Variants in FABP7 observed in about 807,000 individuals in gnomAD.
FABP7 encodes the protein fatty acid-binding protein, brain.
FABP7 carries 13 observed loss-of-function variants against 14.2 expected under a neutral mutation model. That is an observed-to-expected ratio of 0.91 (90% confidence interval 0.59 to 1.45). The LOEUF (loss-of-function observed/expected upper bound fraction) is 1.45. FABP7 is among the 40% of genes most tolerant of loss of function. The probability of loss-of-function intolerance (pLI) is 0.00; values close to 1 mark genes in which losing one functional copy is unlikely to be tolerated. For synonymous variants in FABP7, 49 were observed against 51.4 expected, an observed-to-expected ratio of 0.95 and a Z score of 0.20; for missense variants, 149 against 157.6, an observed-to-expected ratio of 0.95 and a Z score of 0.29.
In FABP7 at chr6:122,780,422, G is replaced by A. The variant is rs1326879356; in HGVS notation, c.205G>A (p.Glu69Lys). ...KNTEISFQLG[E>K]EFDETTADDR... The stretch of plus-strand genomic sequence containing the variant: ...CACGGAGATTAGTTTCCAGCTGGGA[G>A]AAGAGTTTGATGAAACCACTGCAGA... The change falls in exon 2 of 4, where the codon GAA (glutamate) becomes AAA (lysine). Residue 69 changes from glutamate (E) to lysine (K), a missense_variant. Transcript: ENST00000368444. The A allele has an allele frequency of 6.2e-6, 10 of 1,613,942 alleles. No individual in the cohort carries two copies. Among genetic ancestry groups the A allele is most frequent in the Non-Finnish European group, 8.5e-6 (10 of 1,179,972 alleles).
the FABP7 span, among the ~76,000 whole-genome samples, chr6:122,757,168 C>T: frequency 6.6e-6 from 1 of 152,138 alleles, no homozygotes; most frequent in East Asian, 1.9e-4. Flanking sequence ...CTGATATCTG[C>T]CTTGAGTGTA....
the FABP7 span, among the ~76,000 whole-genome samples, chr6:122,752,523 C>T: frequency 1.3e-3 from 204 of 152,338 alleles, no homozygotes; most frequent in African/African-American, 4.8e-3. Context: ...CCCAACCTTA[C>T]CCTCCTGGAG....
the FABP7 span, among the ~76,000 whole-genome samples, chr6:122,751,118 C>G: frequency 6.6e-6 from 1 of 152,102 alleles, no homozygotes; most frequent in Non-Finnish European, 1.5e-5. Flanking sequence ...GTTCTCTAGT[C>G]TAGAAGGTAT....
chr6:122,755,008 CT>C, the FABP7 span, among the ~76,000 whole-genome samples: 55,149 of 148,336 alleles, frequency 0.37, 10,393 homozygotes, highest in South Asian at 0.51. Flanking sequence ...CTAACAATCA[CT>C]TTTTTTTTTT....
At chr6:122,772,779 T>C in the FABP7 span, among the ~76,000 whole-genome samples, 1 of 152,108 alleles carries the variant, frequency 6.6e-6, no homozygotes, top group South Asian at 2.1e-4. Flanking sequence ...AGACAGATAA[T>C]TCACTCATTT....
the FABP7 span, among the ~76,000 whole-genome samples, chr6:122,756,822 C>T: frequency 2.0e-5 from 3 of 152,210 alleles, no homozygotes; most frequent in African/African-American, 7.2e-5. Context: ...CAGGTGACCA[C>T]TCACTCCTTA....
the FABP7 span, among the ~76,000 whole-genome samples, chr6:122,773,942 G>A: frequency 1.3e-5 from 2 of 151,488 alleles, no homozygotes. Context: ...AGTGCCACTA[G>A]TTAATAAATA....
the FABP7 span, among the ~76,000 whole-genome samples, chr6:122,763,112 G>A: frequency 1.3e-5 from 2 of 152,162 alleles, no homozygotes; most frequent in Non-Finnish European, 2.9e-5. Flanking sequence ...CAAAGCTGGA[G>A]ATACCATGCT....
At chr6:122,754,924 C>T in the FABP7 span, among the ~76,000 whole-genome samples, 1 of 152,106 alleles carries the variant, frequency 6.6e-6, no homozygotes, top group Admixed American at 6.6e-5. Flanking sequence ...CACCTAAACT[C>T]ACCAACCTTT....
the FABP7 span, among the ~76,000 whole-genome samples, chr6:122,770,705 AGAT>A: frequency 6.6e-6 from 1 of 152,190 alleles, no homozygotes; most frequent in Non-Finnish European, 1.5e-5. Context: ...AAATCTTCCC[AGAT>A]GATTCTAATG....
intron 3 of FABP7, chr6:122,782,776 T>C: frequency 1.0e-6 from 1 of 985,404 alleles, no homozygotes; most frequent in Non-Finnish European, 1.2e-6. Context: ...TGCATTGAGA[T>C]ATTCATGTTT....
chr6:122,782,850 A>T (rs1450707828), intron 3 of FABP7: 30 of 985,240 alleles, frequency 3.0e-5, no homozygotes, highest in Middle Eastern at 5.2e-4. Flanking sequence ...ATATTTGCTC[A>T]CATTTTTTTG....
the FABP7 span, among the ~76,000 whole-genome samples, chr6:122,773,520 C>A: frequency 9.2e-5 from 14 of 152,160 alleles, no homozygotes; most frequent in Admixed American, 1.3e-4. Flanking sequence ...CCAGCATTAC[C>A]TATTATGGGA....
chr6:122,782,175 TCTTA>T (rs1418526594), intron 3 of FABP7: 39 of 982,896 alleles, frequency 4.0e-5, no homozygotes, highest in Non-Finnish European at 4.7e-5. Flanking sequence ...ATCAGCCTCT[TCTTA>T]CTTACTAGGA....
chr6:122,770,810 T>C, the FABP7 span, among the ~76,000 whole-genome samples: 1 of 152,146 alleles, frequency 6.6e-6, no homozygotes. Context: ...ACAAACACAT[T>C]TAAAAAATGT....
At chr6:122,774,706 G>A in the FABP7 span, among the ~76,000 whole-genome samples, 1 of 149,772 alleles carries the variant, frequency 6.7e-6, no homozygotes, top group Admixed American at 6.7e-5. Flanking sequence ...TGCAAAGGAA[G>A]AAGTCAAATT....
chr6:122,767,115 A>G, the FABP7 span, among the ~76,000 whole-genome samples: 1 of 152,128 alleles, frequency 6.6e-6, no homozygotes, highest in African/African-American at 2.4e-5. Context: ...TAATGACTAC[A>G]TATGTAAAAA....
Position 122,783,157 on chromosome 6 carries a change from A to G in FABP7, c.349-560A>G. The stretch of plus-strand genomic sequence containing the variant: ...TCAAGTTAGATTTGACATTAGAGTA[A>G]TAGAGCTGATGTTCCGCATCCTATC... On this transcript the variant is annotated intron_variant, in intron 3 of 3. Coordinates refer to ENST00000368444, the MANE Select transcript of FABP7 (RefSeq NM_001446.5). The G allele has an allele frequency of 3.0e-6, 3 of 985,458 alleles. No individual in the cohort carries two copies. In the South Asian group the frequency reaches 1.4e-4, roughly 46 times the overall value. The allele number at this position is 985,458 out of a possible 1,614,324, so 61.0% of individuals were successfully genotyped here. A position where few individuals can be genotyped will look rare whatever the true frequency, so the allele number is the denominator to read the frequency against.
the FABP7 span, among the ~76,000 whole-genome samples, chr6:122,763,419 C>G: frequency 5.9e-5 from 9 of 152,090 alleles, no homozygotes; most frequent in African/African-American, 2.2e-4. Context: ...AATGTTAGAC[C>G]TAAAACCATA....
Sources: allele counts gnomAD v4.1 joint callset (sites outside exome capture counted in the v4.1 genomes callset), GRCh38; gene constraint gnomAD v4.1.1; transcripts MANE v1.5; gene names NCBI Gene and HGNC (gene_info 2026-07-23, HGNC 2026-07-21).